VEGFC: variants seen among roughly 807,000 people sequenced by gnomAD.
VEGFC encodes the protein FLT4 ligand DHM.
A neutral mutation model predicts 46.1 loss-of-function variants in VEGFC; 12 were observed. That is an observed-to-expected ratio of 0.26 (90% CI 0.17 to 0.42). The LOEUF (loss-of-function observed/expected upper bound fraction) is 0.42, where lower values mean the gene tolerates loss of function less well. Among genes scored for constraint, VEGFC ranks in the 10% least tolerant of loss-of-function variants. VEGFC has a pLI of 1.00. For synonymous variants in VEGFC, 232 were observed against 195.5 expected (o/e 1.19, Z -1.56); for missense variants, 488 against 529.4 (o/e 0.92, Z 0.77).
At chr4:176,791,552 G>A (rs907879310) in intron 1 of VEGFC, among the ~76,000 whole-genome samples, 8 of 117,844 alleles carry the variant, frequency 6.8e-5, no homozygotes, top group Non-Finnish European at 1.4e-4. Context: ...AGCTTATAAA[G>A]TTGAAACAAG....
Position 176,687,832 on chromosome 4 carries a change from T to C in VEGFC, c.800A>G (p.Asp267Gly), listed in dbSNP as rs1269615859. ...LAQEDFMFSSDAGDDSTDGFH... is the reference protein window; with the variant it reads ...LAQEDFMFSSGAGDDSTDGFH... Reference sequence around the variant, plus strand: ...ATCATTCTGCTTACCATCTCCAGCATCCGAGGAAAACATAAAATCTTCCTG... The same window carrying C: ...ATCATTCTGCTTACCATCTCCAGCACCCGAGGAAAACATAAAATCTTCCTG... The change falls in exon 5 of 7, where the codon GAT becomes GGT. Residue 267 changes from aspartate (D) to glycine (G), a missense_variant. Physicochemically the swap from Asp to Gly is moderately conservative, Grantham distance 94. Coordinates refer to ENST00000618562, the MANE Select transcript of VEGFC (RefSeq NM_005429.5). 2.5e-6 allele frequency: 4 copies of C among 1,609,638 alleles called. No individual in the cohort carries two copies. The highest frequency in any genetic ancestry group is 1.3e-5 in the African/African-American group (1 of 74,788).
rs886725355 is a variant in VEGFC, at chr4:176,771,948, A to G, written c.147+20217T>C. Among the ~76,000 whole-genome samples, 18 of 152,320 alleles carry G rather than the reference A, an allele frequency of 1.2e-4. 1 individual carries two copies. Among genetic ancestry groups the G allele is most frequent in the African/African-American group, 4.1e-4 (17 of 41,590 alleles). The stretch of plus-strand genomic sequence containing the variant: ...TTTTCATATGACACTTGTGTGAAGA[A>G]AAAGAACAGAAATCTCCATCAGTAC... On this transcript the variant is annotated intron_variant, in intron 1 of 6. Transcript: ENST00000618562.
chr4:176,773,899 T>TA (rs1735764510), intron 1 of VEGFC, among the ~76,000 whole-genome samples: 1 of 152,116 alleles, frequency 6.6e-6, no homozygotes, highest in Non-Finnish European at 1.5e-5. Flanking sequence ...CTCACCGTGT[T>TA]ACCCAGGCTG....
At chr4:176,728,502 A>G (rs512564) in intron 2 of VEGFC, among the ~76,000 whole-genome samples, 131,347 of 151,834 alleles carry the variant, frequency 0.87, 57,486 homozygotes, top group East Asian at 1. Context: ...CTGCAGCTAC[A>G]TAAAATACAA....
intron 4 of VEGFC, among the ~76,000 whole-genome samples, chr4:176,699,478 T>C (rs1426239256): frequency 6.6e-6 from 1 of 152,256 alleles, no homozygotes; most frequent in Non-Finnish European, 1.5e-5. Flanking sequence ...GTAATTGTAT[T>C]ATGAAGAACA....
intron 1 of VEGFC, among the ~76,000 whole-genome samples, chr4:176,772,482 AC>A (rs571651045): frequency 6.6e-6 from 1 of 152,226 alleles, no homozygotes; most frequent in Non-Finnish European, 1.5e-5. Flanking sequence ...TACAAAGAGT[AC>A]ATCAACGTTG....
intron 1 of VEGFC, among the ~76,000 whole-genome samples, chr4:176,777,478 T>C (rs1452828877): frequency 6.6e-6 from 1 of 152,214 alleles, no homozygotes; most frequent in Non-Finnish European, 1.5e-5. Flanking sequence ...CTTTACATCT[T>C]GGAATCTTAT....
intron 1 of VEGFC, among the ~76,000 whole-genome samples, chr4:176,770,979 T>TACAC (rs148140472): frequency 0.15 from 21,948 of 148,050 alleles, 1,847 homozygotes; most frequent in Middle Eastern, 0.25. Context: ...AAGTAACTGA[T>TACAC]ACACACACAC....
At chr4:176,773,522 T>C (rs7664360) in intron 1 of VEGFC, among the ~76,000 whole-genome samples, 15,964 of 152,138 alleles carry the variant, frequency 0.1, 1,962 homozygotes, top group African/African-American at 0.29. Context: ...AATGTCTTCC[T>C]AGTATACAAA....
At chr4:176,716,584 GAAAAAAAAAAA>G (rs57274087) in intron 3 of VEGFC, among the ~76,000 whole-genome samples, 2 of 43,760 alleles carry the variant, frequency 4.6e-5, no homozygotes, top group African/African-American at 2.0e-4. Context: ...CTCCCTCTCC[GAAAAAAAAAAA>G]AAAAAAAAAA....
intron 4 of VEGFC, 79 bp downstream of exon 4, chr4:176,711,420 T>C: frequency 1.4e-6 from 2 of 1,459,156 alleles, no homozygotes; most frequent in South Asian, 1.5e-5. Context: ...ACAGAGGTTA[T>C]TTGTTTAACT....
At chr4:176,753,050 A>G (rs1054484342) in intron 1 of VEGFC, among the ~76,000 whole-genome samples, 9 of 152,106 alleles carry the variant, frequency 5.9e-5, no homozygotes, top group Admixed American at 5.2e-4. Flanking sequence ...TAAAACCTAC[A>G]AGGAGGAGAA....
chr4:176,787,040 G>C (rs1736015610), intron 1 of VEGFC, among the ~76,000 whole-genome samples: 1 of 152,076 alleles, frequency 6.6e-6, no homozygotes, highest in Non-Finnish European at 1.5e-5. Flanking sequence ...ACTGATGGCA[G>C]CATCATGTAA....
intron 1 of VEGFC, among the ~76,000 whole-genome samples, chr4:176,759,437 G>T (rs1342292262): frequency 6.6e-6 from 1 of 152,164 alleles, no homozygotes; most frequent in Non-Finnish European, 1.5e-5. Flanking sequence ...GAAGCAGAGA[G>T]TAGAATGGTG....
intron 1 of VEGFC, among the ~76,000 whole-genome samples, chr4:176,782,829 A>G (rs957381818): frequency 6.6e-6 from 1 of 152,202 alleles, no homozygotes; most frequent in Non-Finnish European, 1.5e-5. Context: ...CTGTTTAAAA[A>G]TGTGGTATCT....
At chr4:176,765,115 T>C (rs1441459559) in intron 1 of VEGFC, among the ~76,000 whole-genome samples, 1 of 152,018 alleles carries the variant, frequency 6.6e-6, no homozygotes, top group African/African-American at 2.4e-5. Context: ...GATGAAGAAT[T>C]TGAGCAAAGA....
chr4:176,732,134 A>G (rs7676036), intron 1 of VEGFC, among the ~76,000 whole-genome samples: 15,752 of 151,986 alleles, frequency 0.1, 1,837 homozygotes, highest in African/African-American at 0.28. Flanking sequence ...TATTTGCAAT[A>G]TACATAATGG....
At chr4:176,718,841 A>T (rs974932387) in intron 3 of VEGFC, among the ~76,000 whole-genome samples, 8 of 152,184 alleles carry the variant, frequency 5.3e-5, no homozygotes, top group African/African-American at 1.9e-4. Context: ...TCAAAAGCAG[A>T]TGACTTTCTT....
rs1262132024 is a variant in VEGFC, at chr4:176,696,740, C to T, written c.705-8813G>A. Among the ~76,000 whole-genome samples the T allele has an allele frequency of 4.6e-5, 7 of 152,246 alleles. No individual in the cohort carries two copies. The East Asian group carries it at 1.4e-3, about 29-fold the overall frequency. On this transcript the variant is annotated intron_variant, in intron 4 of 6. Transcript: ENST00000618562. ...CCCTACCTGACTTCAAACTATACCACAAGGCTACAGTAACCAAAACAGCAT... is the reference window on the plus strand; with the variant it reads ...CCCTACCTGACTTCAAACTATACCATAAGGCTACAGTAACCAAAACAGCAT...
Sources: gnomAD v4.1 joint callset for allele counts (sites outside exome capture counted in the v4.1 genomes callset) on GRCh38, gnomAD v4.1.1 for gene constraint, MANE v1.5 for transcripts, NCBI Gene and HGNC (gene_info 2026-07-23, HGNC 2026-07-21) for gene names.